The following PHF14 variants were observed in gnomAD, a reference collection of about 807,000 sequenced individuals.
PHF14 encodes the protein PHD finger protein 14.
PHF14 carries 55 observed loss-of-function variants against 117.9 expected under a neutral mutation model. That is an observed-to-expected ratio of 0.47 (90% CI 0.38 to 0.58). PHF14 has a LOEUF of 0.58. PHF14 is among the 20% of genes least tolerant of loss of function. PHF14 has a pLI of 0.00. For synonymous variants in PHF14, 409 were observed against 368.6 expected (o/e 1.11, Z -1.26); for missense variants, 978 against 1,122.2 (o/e 0.87, Z 1.84).
In PHF14 at chr7:11,005,911, G is replaced by T. The variant is rs572276299; in HGVS notation, c.1046-7836G>T. Reference sequence around the variant, plus strand: ...GGGTTCAAGCGATTCTCCCGCCTCAGCCTCCTGAGTAGCTGGGACTACAGG... The same window carrying T: ...GGGTTCAAGCGATTCTCCCGCCTCATCCTCCTGAGTAGCTGGGACTACAGG... On this transcript the variant is annotated intron_variant, in intron 4 of 17. Coordinates refer to ENST00000634607, the MANE Select transcript of PHF14 (RefSeq NM_001007157.2). Among the ~76,000 whole-genome samples, 33 of 147,444 alleles carry T rather than the reference G, an allele frequency of 2.2e-4. No individual in the cohort carries two copies. In the South Asian group the frequency reaches 3.0e-3, roughly 13 times the overall value.
chr7:11,097,682 C>G (rs1416938820), intron 16 of PHF14, among the ~76,000 whole-genome samples: 1 of 152,182 alleles, frequency 6.6e-6, no homozygotes, highest in Non-Finnish European at 1.5e-5. Context: ...TAGTTCAGTC[C>G]TCATCTGAAA....
At chr7:11,100,829 A>G (rs1444868391) in intron 16 of PHF14, among the ~76,000 whole-genome samples, 1 of 152,006 alleles carries the variant, frequency 6.6e-6, no homozygotes, top group Non-Finnish European at 1.5e-5. Flanking sequence ...TGCACTAATT[A>G]GGCATACTGC....
chr7:11,099,354 T>A (rs1164770343), intron 16 of PHF14, among the ~76,000 whole-genome samples: 1 of 152,156 alleles, frequency 6.6e-6, no homozygotes, highest in African/African-American at 2.4e-5. Flanking sequence ...GATTTTAAAA[T>A]TTTTAACACA....
intron 4 of PHF14, among the ~76,000 whole-genome samples, chr7:11,009,301 A>G (rs1470442497): frequency 6.6e-6 from 1 of 152,208 alleles, no homozygotes; most frequent in Non-Finnish European, 1.5e-5. Context: ...GAAAAGCTGA[A>G]TGGGGAACAT....
At chr7:11,039,842 G>A (rs1784443558) in intron 11 of PHF14, among the ~76,000 whole-genome samples, 1 of 152,110 alleles carries the variant, frequency 6.6e-6, no homozygotes, top group Admixed American at 6.5e-5. Flanking sequence ...CTTTGTTCCT[G>A]TTAATAGGTT....
At chr7:11,087,159 G>T (rs564750021) in intron 16 of PHF14, among the ~76,000 whole-genome samples, 1 of 151,672 alleles carries the variant, frequency 6.6e-6, no homozygotes, top group Non-Finnish European at 1.5e-5. Flanking sequence ...TAGCTTCCTG[G>T]AGTGATTTTA....
chr7:11,046,642 T>C (rs989102713), intron 13 of PHF14, among the ~76,000 whole-genome samples: 1 of 95,936 alleles, frequency 1.0e-5, no homozygotes, highest in African/African-American at 6.4e-5. Flanking sequence ...GCTATTAAAG[T>C]TTTTACAGGT....
intron 17 of PHF14, among the ~76,000 whole-genome samples, chr7:11,147,801 T>C (rs947148718): frequency 2.0e-5 from 3 of 152,190 alleles, no homozygotes; most frequent in Non-Finnish European, 4.4e-5. Flanking sequence ...TGGGGGACTT[T>C]TAAATGTGTA....
intron 16 of PHF14, among the ~76,000 whole-genome samples, chr7:11,100,475 A>G (rs929248373): frequency 2.0e-5 from 3 of 152,012 alleles, no homozygotes; most frequent in African/African-American, 7.2e-5. Context: ...AGTGTGAAAT[A>G]GAAATTATTC....
chr7:11,017,905 T>G (rs1467839643), intron 5 of PHF14, among the ~76,000 whole-genome samples: 1 of 152,214 alleles, frequency 6.6e-6, no homozygotes, highest in African/African-American at 2.4e-5. Context: ...GGTCTTAGAT[T>G]TAAGTCTTTA....
intron 16 of PHF14, chr7:11,108,547 G>A (rs1160900531): frequency 6.6e-6 from 1 of 151,578 alleles, no homozygotes; most frequent in African/African-American, 2.4e-5. Flanking sequence ...TCCACATGTC[G>A]ACTAAGTAAT....
chr7:11,155,308 A>G (rs1788809759), intron 17 of PHF14, among the ~76,000 whole-genome samples: 1 of 152,186 alleles, frequency 6.6e-6, no homozygotes, highest in African/African-American at 2.4e-5. Context: ...ACTGACAACA[A>G]AGCCCAAATT....
rs559610434 is a variant in PHF14, at chr7:10,986,079, C to A, written c.900+2920C>A. 1.7e-3 allele frequency among the ~76,000 whole-genome samples: 257 copies of A among 152,192 alleles called. 3 individuals carry two copies. Among genetic ancestry groups the A allele is most frequent in the African/African-American group, 6.0e-3 (248 of 41,528 alleles). On this transcript the variant is annotated intron_variant, in intron 3 of 17. Coordinates refer to ENST00000634607, the MANE Select transcript of PHF14 (RefSeq NM_001007157.2). ...GATCTCCCAGGCTCAGGCAATTCTC[C>A]CACCTCAGCCTTTGGAGTAGCTGAG...
At chr7:11,041,891 G>C (rs1213269951) in intron 12 of PHF14, among the ~76,000 whole-genome samples, 2 of 149,930 alleles carry the variant, frequency 1.3e-5, no homozygotes, top group African/African-American at 4.9e-5. Flanking sequence ...CTTTTTTCTA[G>C]GAGTATTTAA....
chr7:11,153,687 A>G (rs992922585), intron 17 of PHF14, among the ~76,000 whole-genome samples: 1 of 152,184 alleles, frequency 6.6e-6, no homozygotes, highest in Non-Finnish European at 1.5e-5. Context: ...TAAGAGGCCA[A>G]TATTGTCATT....
intron 17 of PHF14, among the ~76,000 whole-genome samples, chr7:11,142,719 T>C (rs55813149): frequency 0.023 from 3,463 of 152,218 alleles, 127 homozygotes; most frequent in African/African-American, 0.079. Context: ...CTTTAGTCAC[T>C]TGTTCACTAT....
intron 16 of PHF14, chr7:11,063,397 G>C (rs1468358482): frequency 3.1e-6 from 3 of 977,408 alleles, no homozygotes. Flanking sequence ...TAACATAATG[G>C]AGTAAATGAA....
At chr7:11,103,055 T>A in intron 16 of PHF14, 1 of 984,086 alleles carries the variant, frequency 1.0e-6, no homozygotes, top group Non-Finnish European at 1.2e-6. Context: ...TAGATTCATA[T>A]ATGAAGTACT....
At chr7:11,000,152 G>A (rs533232703) in intron 4 of PHF14, among the ~76,000 whole-genome samples, 1 of 152,122 alleles carries the variant, frequency 6.6e-6, no homozygotes, top group South Asian at 2.1e-4. Context: ...TGCAAAAGAT[G>A]CAAAAAGGTC....
Sources: allele counts gnomAD v4.1 joint callset (sites outside exome capture counted in the v4.1 genomes callset), GRCh38; gene constraint gnomAD v4.1.1; transcripts MANE v1.5; gene names NCBI Gene and HGNC (gene_info 2026-07-23, HGNC 2026-07-21).